Variants in SAMD8 observed in about 807,000 individuals in gnomAD.
SAMD8 encodes sterile alpha motif domain containing 8, also known as sphingomyelin synthase-related protein 1.
A neutral mutation model predicts 42.0 loss-of-function variants in SAMD8; 20 were observed. That is an observed-to-expected ratio of 0.48 (90% CI 0.34 to 0.69). SAMD8 has a LOEUF of 0.69. Ranked by LOEUF, SAMD8 falls within the 30% of genes least tolerant of loss-of-function variation. The probability of loss-of-function intolerance (pLI) is 0.01; values close to 1 mark genes in which losing one functional copy is unlikely to be tolerated. For synonymous variants in SAMD8, 162 were observed against 173.0 expected (o/e 0.94, Z 0.50); for missense variants, 328 against 511.6 (o/e 0.64, Z 3.46).
chr10:75,130,239 C>T (rs58374784), intron 1 of SAMD8, among the ~76,000 whole-genome samples: 13,681 of 152,088 alleles, frequency 0.09, 687 homozygotes, highest in Middle Eastern at 0.14. Flanking sequence ...CGGTGACTCA[C>T]GCCTGTAATC....
chr10:75,100,380 G>C (rs1848081458), intron 1 of SAMD8, among the ~76,000 whole-genome samples: 1 of 152,118 alleles, frequency 6.6e-6, no homozygotes, highest in South Asian at 2.1e-4. Flanking sequence ...TAACCCACTG[G>C]GACCCAGCCC....
intron 1 of SAMD8, among the ~76,000 whole-genome samples, chr10:75,141,020 A>T (rs138122786): frequency 9.9e-4 from 150 of 152,220 alleles, no homozygotes; most frequent in African/African-American, 3.4e-3. Flanking sequence ...ATACATTTTA[A>T]TTTTTGATTG....
intron 2 of SAMD8, among the ~76,000 whole-genome samples, chr10:75,161,736 A>G (rs1840562424): frequency 6.6e-6 from 1 of 151,956 alleles, no homozygotes; most frequent in Non-Finnish European, 1.5e-5. Context: ...AAAATCCAGC[A>G]GGGGCTGGGC....
upstream of SAMD8, chr10:75,108,206 G>T: frequency 6.3e-7 from 1 of 1,598,574 alleles, no homozygotes; most frequent in East Asian, 2.2e-5. Context: ...TGTTTGCCGT[G>T]GCCCTGGGGA....
At position 75,181,867 on chromosome 10, in the gene SAMD8, G is replaced by GTAC. The variant is rs1245426226; in HGVS notation, c.*5175_*5176insTAC. On this transcript the variant is annotated 3_prime_UTR_variant, in exon 6 of 6. Transcript: ENST00000542569. ...TGGAAACTGGTACTTAATGGGGGAA[G>GTAC]CAAAATTAGCTGGGACTAAAACGGA... is the stretch of plus-strand genomic sequence containing the variant. 6.6e-6 allele frequency: 1 copy of GTAC among 152,182 alleles called. No individual in the cohort carries two copies. The highest frequency in any genetic ancestry group is 1.9e-4 in the East Asian group (1 of 5,200). The allele number at this position is 152,182 out of a possible 1,614,324, so 9.4% of individuals were successfully genotyped here. A position where few individuals can be genotyped will look rare whatever the true frequency, so the allele number is the denominator to read the frequency against.
upstream of SAMD8, among the ~76,000 whole-genome samples, chr10:75,106,765 G>C (rs1005722226): frequency 6.6e-6 from 1 of 152,250 alleles, no homozygotes; most frequent in African/African-American, 2.4e-5. Flanking sequence ...TGCCAGGCAC[G>C]TAGTGGATAC....
intron 2 of SAMD8, among the ~76,000 whole-genome samples, chr10:75,153,746 C>T (rs1840347994): frequency 6.6e-6 from 1 of 151,576 alleles, no homozygotes; most frequent in Non-Finnish European, 1.5e-5. Context: ...CAAACCCCAA[C>T]TAAAACTATA....
intron 1 of SAMD8, among the ~76,000 whole-genome samples, chr10:75,129,574 A>G (rs1430026699): frequency 6.6e-6 from 1 of 152,150 alleles, no homozygotes; most frequent in Admixed American, 6.6e-5. Flanking sequence ...AGCTAGTTTC[A>G]TTTGGCATCT....
intron 1 of SAMD8, among the ~76,000 whole-genome samples, chr10:75,119,191 C>G (rs1335053344): frequency 6.6e-6 from 1 of 151,144 alleles, no homozygotes; most frequent in Non-Finnish European, 1.5e-5. Context: ...GAGTTTCGCT[C>G]TTGTTACTGA....
chr10:75,135,039 A>T (rs1237949127), intron 1 of SAMD8, among the ~76,000 whole-genome samples: 1 of 151,720 alleles, frequency 6.6e-6, no homozygotes. Context: ...CCAGCCTGGG[A>T]AAGAGAACAA....
At chr10:75,144,813 T>C (rs1485917898) in intron 1 of SAMD8, among the ~76,000 whole-genome samples, 2 of 152,068 alleles carry the variant, frequency 1.3e-5, no homozygotes, top group Non-Finnish European at 2.9e-5. Context: ...TGGGCAACCA[T>C]GTCTGGCTAA....
intron 1 of SAMD8, among the ~76,000 whole-genome samples, chr10:75,143,378 G>T (rs892776338): frequency 2.6e-5 from 4 of 152,136 alleles, no homozygotes; most frequent in African/African-American, 9.7e-5. Flanking sequence ...TACCATTTTG[G>T]TGTTCATTTC....
chr10:75,176,840 A>T lies in SAMD8; in HGVS notation c.*148A>T, dbSNP rs1044574463. Reference sequence around the variant, plus strand: ...CTGTTCTGAGCAAAGTTATGATTATAAAAAGCAAGAAAGAACAATCAAGAG... The same window carrying T: ...CTGTTCTGAGCAAAGTTATGATTATTAAAAGCAAGAAAGAACAATCAAGAG... On this transcript the variant is annotated 3_prime_UTR_variant, in exon 6 of 6. Transcript: ENST00000542569. This position sits in a 1 kb window ranked among gnomAD's most constrained non-coding sequence, Gnocchi z 4.3. 1.6e-6 allele frequency: 1 copy of T among 621,014 alleles called. No individual in the cohort carries two copies. The highest frequency in any genetic ancestry group is 1.8e-5 in the African/African-American group (1 of 54,334). The allele number at this position is 621,014 out of a possible 1,614,324, so 38.5% of individuals were successfully genotyped here. A position where few individuals can be genotyped will look rare whatever the true frequency, so the allele number is the denominator to read the frequency against.
intron 1 of SAMD8, among the ~76,000 whole-genome samples, chr10:75,112,860 A>C (rs1351150071): frequency 6.6e-6 from 1 of 152,214 alleles, no homozygotes; most frequent in Non-Finnish European, 1.5e-5. Context: ...TGTATTTGCC[A>C]CATAGTAAAT....
At chr10:75,159,071 T>G (rs577973294) in intron 2 of SAMD8, among the ~76,000 whole-genome samples, 1 of 150,360 alleles carries the variant, frequency 6.7e-6, no homozygotes, top group East Asian at 1.9e-4. Flanking sequence ...TTCTTTTTTT[T>G]TTTTTGAGAC....
intron 2 of SAMD8, 33 bp from the exon 3 acceptor site, chr10:75,164,612 T>C: frequency 6.2e-7 from 1 of 1,601,980 alleles, no homozygotes; most frequent in East Asian, 2.2e-5. Context: ...CATGTATACT[T>C]CTTCAATTCA....
intron 1 of SAMD8, among the ~76,000 whole-genome samples, chr10:75,147,157 AAGAAG>A: frequency 6.6e-6 from 1 of 152,298 alleles, no homozygotes; most frequent in South Asian, 2.1e-4. Context: ...AAACATATAA[AAGAAG>A]AGAAGAATCA....
intron 2 of SAMD8, among the ~76,000 whole-genome samples, chr10:75,162,708 A>G (rs886663210): frequency 6.6e-6 from 1 of 151,996 alleles, no homozygotes; most frequent in African/African-American, 2.4e-5. Flanking sequence ...TATTCTAGGA[A>G]ATAACCATGC....
rs59395860 is a variant in SAMD8 at position 75,153,428 on chromosome 10, T to C, written c.578+2322T>C. ...GAATTCGAGACCAGCCTGGCCAACA[T>C]GGTGAAACCCCGTCTCTACTAAAAA... On this transcript the variant is annotated intron_variant, in intron 2 of 5. Transcript: ENST00000542569. Among the ~76,000 whole-genome samples, 3 of 151,848 alleles carry C rather than the reference T, an allele frequency of 2.0e-5. No individual in the cohort carries two copies. In the South Asian group the frequency reaches 6.2e-4, roughly 31 times the overall value.
Sources: allele counts gnomAD v4.1 joint callset (sites outside exome capture counted in the v4.1 genomes callset), GRCh38; gene constraint gnomAD v4.1.1; non-coding constraint Gnocchi (gnomAD v3.1); transcripts MANE v1.5; gene names NCBI Gene and HGNC (gene_info 2026-07-23, HGNC 2026-07-21).